The following NELL2 variants were observed in gnomAD, a reference collection of about 807,000 sequenced individuals.
The protein encoded by NELL2 is neural EGFL like 2.
Under a neutral mutation model 109.6 loss-of-function variants are expected in NELL2, and 41 were observed. The ratio of observed to expected loss-of-function variants is 0.37; its 90% CI spans 0.29 to 0.49. The LOEUF (loss-of-function observed/expected upper bound fraction) is 0.49. Ranked by LOEUF, NELL2 falls within the 20% of genes least tolerant of loss-of-function variation. The pLI is 0.98. For missense variants in NELL2, 900 were observed against 1,008.3 expected (o/e 0.89, Z 1.45); for synonymous variants, 355 against 344.7 (o/e 1.03, Z -0.33).
intron 9 of NELL2, among the ~76,000 whole-genome samples, chr12:44,762,696 A>G (rs1339938799): frequency 6.6e-6 from 1 of 152,154 alleles, no homozygotes; most frequent in Non-Finnish European, 1.5e-5. Flanking sequence ...CTCAGCTTAC[A>G]CATTCCTCTT....
intron 14 of NELL2, among the ~76,000 whole-genome samples, chr12:44,608,900 A>G (rs1269119379): frequency 6.7e-6 from 1 of 149,798 alleles, no homozygotes; most frequent in Non-Finnish European, 1.5e-5. Context: ...TTGCATATAT[A>G]TATACATATA....
chr12:44,801,966 A>G (rs903362929), intron 3 of NELL2, among the ~76,000 whole-genome samples: 5 of 152,006 alleles, frequency 3.3e-5, no homozygotes, highest in African/African-American at 7.2e-5. Flanking sequence ...ATTTTCTTGA[A>G]TCAACATGCT....
chr12:44,751,161 G>A (rs117328276), intron 9 of NELL2, among the ~76,000 whole-genome samples: 2,940 of 152,202 alleles, frequency 0.019, 54 homozygotes, highest in Non-Finnish European at 0.03. Flanking sequence ...GAGAGACAGG[G>A]TAATAGGAGC....
chr12:44,715,109 A>C (rs1249747319), intron 9 of NELL2, among the ~76,000 whole-genome samples: 1 of 151,906 alleles, frequency 6.6e-6, no homozygotes, highest in African/African-American at 2.4e-5. Context: ...TATGAGACTC[A>C]GGGAACAATA....
At chr12:44,509,065 T>A in intron 19 of NELL2, 81 bp from the exon 20 acceptor site, 2 of 1,168,550 alleles carry the variant, frequency 1.7e-6, no homozygotes, top group South Asian at 1.3e-5. Context: ...GATTGGTACT[T>A]ACAAACAAAA....
intron 9 of NELL2, among the ~76,000 whole-genome samples, chr12:44,731,782 A>G (rs1939384089): frequency 6.6e-6 from 1 of 152,072 alleles, no homozygotes; most frequent in Non-Finnish European, 1.5e-5. Flanking sequence ...AGGCATCCAA[A>G]TTAGAAAGGA....
At chr12:44,865,709 T>A (rs1314416757) in intron 2 of NELL2, among the ~76,000 whole-genome samples, 1 of 125,244 alleles carries the variant, frequency 8.0e-6, no homozygotes, top group East Asian at 2.3e-4. Flanking sequence ...ATATACCTAA[T>A]GATAGATGAC....
intron 2 of NELL2, among the ~76,000 whole-genome samples, chr12:44,863,902 AAAAAT>A (rs796999595): frequency 2.0e-4 from 30 of 152,332 alleles, no homozygotes; most frequent in African/African-American, 6.3e-4. Flanking sequence ...CGGTGCATTA[AAAAAT>A]AAAATAAAAT....
At chr12:44,563,837 C>T (rs1448783982) in intron 15 of NELL2, among the ~76,000 whole-genome samples, 1 of 152,154 alleles carries the variant, frequency 6.6e-6, no homozygotes, top group Non-Finnish European at 1.5e-5. Context: ...GTTAATGCCG[C>T]AGATATTACA....
intron 2 of NELL2, among the ~76,000 whole-genome samples, chr12:44,817,178 T>C (rs1592592249): frequency 6.6e-6 from 1 of 152,300 alleles, no homozygotes; most frequent in East Asian, 1.9e-4. Context: ...TGGCACCCAA[T>C]GCACAGGCTT....
intron 13 of NELL2, among the ~76,000 whole-genome samples, chr12:44,641,689 CTTTTTTT>C (rs71093817): frequency 2.5e-5 from 2 of 80,626 alleles, no homozygotes; most frequent in African/African-American, 5.4e-5. Context: ...CTAGTTTCTC[CTTTTTTT>C]TTTTTTTTTT....
At position 44,791,098 on chromosome 12, in the gene NELL2, T is replaced by TATATATACAC. The variant is rs1555217722; in HGVS notation, c.336-11077_336-11076insGTGTATATAT. 4.3e-4 allele frequency among the ~76,000 whole-genome samples: 7 copies of TATATATACAC among 16,336 alleles called. 1 individual carries two copies. Among genetic ancestry groups the TATATATACAC allele is most frequent in the South Asian group, 1.6e-3 (1 of 634 alleles). 10.7% of individuals were successfully genotyped at this position (16,336 alleles called of 152,430 possible). On this transcript the variant is annotated intron_variant, in intron 3 of 19. Transcript: ENST00000429094. ...ATATATATACATATATATATATATG[T>TATATATACAC]ATATATATATGTATATATATATGTA...
chr12:44,756,952 T>C (rs1222647141), intron 9 of NELL2, among the ~76,000 whole-genome samples: 3 of 152,172 alleles, frequency 2.0e-5, no homozygotes, highest in African/African-American at 4.8e-5. Flanking sequence ...ATCAGACTTA[T>C]GCAACAAACT....
intron 1 of NELL2, among the ~76,000 whole-genome samples, chr12:44,908,873 G>C (rs538901417): frequency 6.6e-6 from 1 of 151,948 alleles, no homozygotes; most frequent in Non-Finnish European, 1.5e-5. Context: ...CTCTTGAGTG[G>C]TGGGTAATTT....
At chr12:44,776,999 A>G in intron 7 of NELL2, 43 bp downstream of exon 7, 1 of 1,546,198 alleles carries the variant, frequency 6.5e-7, no homozygotes, top group East Asian at 2.2e-5. Flanking sequence ...GGGAACATCA[A>G]GGATTTTTAA....
chr12:44,828,943 T>A (rs1380615479), intron 2 of NELL2, among the ~76,000 whole-genome samples: 1 of 152,170 alleles, frequency 6.6e-6, no homozygotes, highest in South Asian at 2.1e-4. Flanking sequence ...TTTAGTTCAC[T>A]GCTATAATTC....
At chr12:44,704,656 T>G (rs866743403) in intron 11 of NELL2, among the ~76,000 whole-genome samples, 3 of 152,194 alleles carry the variant, frequency 2.0e-5, no homozygotes, top group Admixed American at 1.3e-4. Context: ...CAACCAGTTT[T>G]AAATTACTTG....
At chr12:44,610,211 CA>C (rs1437409297) in intron 14 of NELL2, among the ~76,000 whole-genome samples, 1 of 149,642 alleles carries the variant, frequency 6.7e-6, no homozygotes, top group African/African-American at 2.5e-5. Context: ...ATTAATCTTC[CA>C]CAGTAGCCTC....
chr12:44,644,404 G>C (rs1490279217), intron 13 of NELL2, among the ~76,000 whole-genome samples: 1 of 151,294 alleles, frequency 6.6e-6, no homozygotes, highest in Non-Finnish European at 1.5e-5. Context: ...CTATTTAAAA[G>C]GTATGCCCTA....
Sources: allele counts gnomAD v4.1 joint callset (sites outside exome capture counted in the v4.1 genomes callset), GRCh38; gene constraint gnomAD v4.1.1; transcripts MANE v1.5; gene names NCBI Gene and HGNC (gene_info 2026-07-23, HGNC 2026-07-21).